POU3F3: variants seen among roughly 807,000 people sequenced by gnomAD.
The protein encoded by POU3F3 is POU domain, class 3, transcription factor 3.
In POU3F3, 1 loss-of-function variant was observed where a neutral mutation model predicts 8.6. The observed-to-expected ratio is 0.12, with a 90% CI of 0.04 to 0.55. The LOEUF is 0.55. Ranked by LOEUF, POU3F3 falls within the 20% of genes least tolerant of loss-of-function variation. The pLI is 0.91. For missense variants in POU3F3, 577 were observed against 690.7 expected, an observed-to-expected ratio of 0.84 and a Z score of 1.84; for synonymous variants, 418 against 327.4, an observed-to-expected ratio of 1.28 and a Z score of -2.99.
At chr2:104,863,566 C>T (rs1358403463), downstream of POU3F3, among the ~76,000 whole-genome samples, 5 of 152,092 alleles carry the variant, frequency 3.3e-5, no homozygotes, top group African/African-American at 4.8e-5. Context: ...GCCTGGCTGA[C>T]CCGGGCTTTC....
At chr2:104,892,030 C>G in the POU3F3 span, among the ~76,000 whole-genome samples, 1 of 152,178 alleles carries the variant, frequency 6.6e-6, no homozygotes, top group Admixed American at 6.5e-5. Context: ...TCAGGCAACA[C>G]AAGCGCACAC....
At chr2:104,914,160 C>T in the POU3F3 span, among the ~76,000 whole-genome samples, 6 of 152,328 alleles carry the variant, frequency 3.9e-5, no homozygotes, top group South Asian at 2.1e-4. Flanking sequence ...ACAGAATATC[C>T]GGTCTGTTGG....
chr2:104,863,204 T>C (rs973455296), downstream of POU3F3, among the ~76,000 whole-genome samples: 2 of 139,060 alleles, frequency 1.4e-5, no homozygotes, highest in African/African-American at 5.4e-5. Flanking sequence ...TTATTATTAT[T>C]ATTCTGGAAA....
the POU3F3 span, among the ~76,000 whole-genome samples, chr2:104,864,026 T>A: frequency 1.3e-5 from 2 of 152,200 alleles, no homozygotes; most frequent in Non-Finnish European, 2.9e-5. Flanking sequence ...ACGCCTCCGC[T>A]TCCCGCGTGT....
chr2:104,887,785 C>A, the POU3F3 span, among the ~76,000 whole-genome samples: 3 of 152,322 alleles, frequency 2.0e-5, no homozygotes, highest in African/African-American at 7.2e-5. Context: ...CCACGCCCAG[C>A]CACAAGGATG....
Position 104,855,964 on chromosome 2 carries a change from G to A in POU3F3, c.454G>A (p.Gly152Ser), listed in dbSNP as rs2104340143. 9.6e-7 allele frequency: 1 copy of A among 1,041,196 alleles called. No individual in the cohort carries two copies. Among genetic ancestry groups the A allele is most frequent in the Non-Finnish European group, 1.2e-6 (1 of 866,812 alleles). The allele number at this position is 1,041,196 out of a possible 1,614,324, so 64.5% of individuals were successfully genotyped here. A position where few individuals can be genotyped will look rare whatever the true frequency, so the allele number is the denominator to read the frequency against. ...PPPQGPDVKGGAGRDDLHAGT... is the reference protein window; with the variant it reads ...PPPQGPDVKGSAGRDDLHAGT... ...GCCGCAGGGCCCCGACGTGAAGGGCGGCGCCGGGCGCGACGACCTGCACGC... is the reference window on the plus strand; with the variant it reads ...GCCGCAGGGCCCCGACGTGAAGGGCAGCGCCGGGCGCGACGACCTGCACGC... Residue 152 changes from glycine (G) to serine (S), a missense_variant, in exon 1 of 1, where the codon GGC (glycine) becomes AGC (serine). This residue lies in a region of POU3F3 where 484 missense variants were observed against 422.6 expected (regional missense o/e 1.15). Coordinates refer to ENST00000361360, the MANE Select transcript of POU3F3 (RefSeq NM_006236.3).
At chr2:104,906,626 C>A in the POU3F3 span, among the ~76,000 whole-genome samples, 1 of 152,222 alleles carries the variant, frequency 6.6e-6, no homozygotes, top group Admixed American at 6.5e-5. Context: ...CTGTCGATAT[C>A]TGCCCTGTTC....
the POU3F3 span, among the ~76,000 whole-genome samples, chr2:104,896,423 C>T: frequency 1.3e-5 from 2 of 152,234 alleles, no homozygotes; most frequent in Admixed American, 1.3e-4. Flanking sequence ...GCCAAAAATT[C>T]CTGAAACCCC....
At chr2:104,882,044 T>A in the POU3F3 span, among the ~76,000 whole-genome samples, 2 of 152,130 alleles carry the variant, frequency 1.3e-5, no homozygotes, top group African/African-American at 4.8e-5. Context: ...GTTGGTAGAG[T>A]TATTGACTCA....
At chr2:104,862,964 G>A (rs1676683527), downstream of POU3F3, among the ~76,000 whole-genome samples, 2 of 150,314 alleles carry the variant, frequency 1.3e-5, no homozygotes, top group South Asian at 2.1e-4. Flanking sequence ...AAAAAGCGAT[G>A]GAAAAAATAA....
At position 104,856,032 on chromosome 2, in the gene POU3F3, C is replaced by CCCG; in HGVS notation, c.531_533dup (p.Pro179dup). On this transcript the variant is annotated inframe_insertion, in exon 1 of 1. Coordinates refer to ENST00000361360, the MANE Select transcript of POU3F3 (RefSeq NM_006236.3). Reference sequence around the variant, plus strand: ...ACCGCGGGCCGCCGCACCTCGGACCCCCGCCGCCGCCCCCACACCAGGGCC... The same window carrying CCCG: ...ACCGCGGGCCGCCGCACCTCGGACCCCCGCCGCCGCCGCCCCCACACCAGGGCC... 2.0e-6 allele frequency: 2 copies of CCCG among 988,056 alleles called. No individual in the cohort carries two copies. Among genetic ancestry groups the CCCG allele is most frequent in the Non-Finnish European group, 2.4e-6 (2 of 834,328 alleles). 61.2% of individuals were successfully genotyped at this position (988,056 alleles called of 1,614,324 possible).
At chr2:104,863,753 G>T in the POU3F3 span, among the ~76,000 whole-genome samples, 2 of 152,226 alleles carry the variant, frequency 1.3e-5, no homozygotes, top group Admixed American at 1.3e-4. Context: ...AGGATGCGGC[G>T]CGTGGAAGGA....
At chr2:104,863,716 G>A in the POU3F3 span, among the ~76,000 whole-genome samples, 1 of 152,180 alleles carries the variant, frequency 6.6e-6, no homozygotes. Context: ...AATTGAGGTG[G>A]GGGGCGTACT....
the POU3F3 span, chr2:104,872,536 AC>A: frequency 3.4e-6 from 1 of 293,290 alleles, no homozygotes; most frequent in Non-Finnish European, 6.8e-6. The surrounding 1 kb of genome is among the most constrained non-coding windows in gnomAD (Gnocchi z 4.6). Flanking sequence ...CCTCCCGCTA[AC>A]CCCCGCCCTC....
chr2:104,888,838 G>A, the POU3F3 span, among the ~76,000 whole-genome samples: 16 of 152,146 alleles, frequency 1.1e-4, no homozygotes, highest in Non-Finnish European at 1.6e-4. Context: ...CCCTTTCTTC[G>A]ATCCAAACAC....
At chr2:104,913,007 A>G in the POU3F3 span, among the ~76,000 whole-genome samples, 1 of 152,192 alleles carries the variant, frequency 6.6e-6, no homozygotes, top group Non-Finnish European at 1.5e-5. Flanking sequence ...GCGTGTTTTT[A>G]TTTCATTTAC....
the POU3F3 span, among the ~76,000 whole-genome samples, chr2:104,908,587 C>T: frequency 6.6e-6 from 1 of 152,206 alleles, no homozygotes; most frequent in South Asian, 2.1e-4. Flanking sequence ...ACCTCATGAT[C>T]CTCTATGATC....
At chr2:104,879,354 C>G in the POU3F3 span, among the ~76,000 whole-genome samples, 1 of 152,084 alleles carries the variant, frequency 6.6e-6, no homozygotes, top group Non-Finnish European at 1.5e-5. Flanking sequence ...CTGGGTAAAA[C>G]AGCTGCACAG....
the POU3F3 span, among the ~76,000 whole-genome samples, chr2:104,886,077 G>A: frequency 5.3e-5 from 8 of 152,142 alleles, no homozygotes; most frequent in Admixed American, 3.3e-4. Flanking sequence ...GATTATAGGC[G>A]TGAGCCACCG....
Sources: gnomAD v4.1 joint callset for allele counts (sites outside exome capture counted in the v4.1 genomes callset) on GRCh38, gnomAD v4.1.1 for gene constraint, gnomAD v4.1.1 regional missense constraint, Gnocchi (gnomAD v3.1) non-coding constraint, MANE v1.5 for transcripts, NCBI Gene and HGNC (gene_info 2026-07-23, HGNC 2026-07-21) for gene names.